LRRC4C: variants seen among roughly 807,000 people sequenced by gnomAD.
LRRC4C encodes the protein leucine rich repeat containing 4C.
A neutral mutation model predicts 33.6 loss-of-function variants in LRRC4C; 5 were observed. That is an observed-to-expected ratio of 0.15 (90% CI 0.08 to 0.31). The LOEUF is 0.31. Among genes scored for constraint, LRRC4C ranks in the 10% least tolerant of loss-of-function variants. The pLI is 1.00. For missense variants in LRRC4C, 560 were observed against 796.7 expected, an observed-to-expected ratio of 0.70 and a Z score of 3.58; for synonymous variants, 329 against 302.0, an observed-to-expected ratio of 1.09 and a Z score of -0.93.
chr11:40,223,764 A>T (rs189002495), intron 5 of LRRC4C, among the ~76,000 whole-genome samples: 7 of 152,334 alleles, frequency 4.6e-5, no homozygotes, highest in African/African-American at 1.4e-4. Context: ...TTTTATTTGC[A>T]GCGTCTTTGG....
rs555304872 is a variant in LRRC4C at position 40,992,685 on chromosome 11, A to C, written c.-495-58962T>G. 7.2e-5 allele frequency among the ~76,000 whole-genome samples: 11 copies of C among 152,306 alleles called. No homozygotes were observed. The South Asian group carries it at 2.1e-3, about 29-fold the overall frequency. On this transcript the variant is annotated intron_variant, in intron 1 of 6. Coordinates refer to ENST00000528697, the MANE Select transcript of LRRC4C (RefSeq NM_001258419.2). ...AACATGCTCTGAAGTCACAAAAAGG[A>C]AAGCTAATTCCTCTTTTTCAAGACA... is the stretch of plus-strand genomic sequence containing the variant.
intron 3 of LRRC4C, among the ~76,000 whole-genome samples, chr11:40,343,067 G>A (rs922275295): frequency 2.0e-5 from 3 of 151,744 alleles, no homozygotes; most frequent in African/African-American, 7.3e-5. Context: ...CACTTAATAG[G>A]AGCTCATAAA....
intron 1 of LRRC4C, among the ~76,000 whole-genome samples, chr11:40,959,630 G>A (rs1592192684): frequency 6.6e-6 from 1 of 151,546 alleles, no homozygotes; most frequent in Admixed American, 6.6e-5. Context: ...TTTATTAAAG[G>A]TGTTTCCAAT....
intron 3 of LRRC4C, among the ~76,000 whole-genome samples, chr11:40,393,112 T>C (rs917902312): frequency 1.3e-5 from 2 of 152,138 alleles, no homozygotes; most frequent in African/African-American, 4.8e-5. Flanking sequence ...AGAAAAATAT[T>C]GTAAAGACAA....
intron 3 of LRRC4C, among the ~76,000 whole-genome samples, chr11:40,502,293 C>A (rs377132007): frequency 2.0e-5 from 3 of 152,164 alleles, no homozygotes; most frequent in South Asian, 4.1e-4. Flanking sequence ...TTTCCCAGTT[C>A]CAAAGTTGCT....
intron 5 of LRRC4C, among the ~76,000 whole-genome samples, chr11:40,160,130 C>A (rs1220746310): frequency 6.6e-6 from 1 of 151,886 alleles, no homozygotes; most frequent in Non-Finnish European, 1.5e-5. Context: ...TTGTTCATAA[C>A]CTCTTAACAC....
At chr11:40,151,414 T>G (rs1314530927) in intron 5 of LRRC4C, among the ~76,000 whole-genome samples, 1 of 152,210 alleles carries the variant, frequency 6.6e-6, no homozygotes, top group Middle Eastern at 3.2e-3. Flanking sequence ...TAAGCCTCTA[T>G]GGAACTAGAG....
At position 41,082,427 on chromosome 11, in the gene LRRC4C, CTT is replaced by C. The variant is rs537908452; in HGVS notation, c.-495-148706_-495-148705del. 6.0e-3 allele frequency among the ~76,000 whole-genome samples: 684 copies of C among 114,904 alleles called. 3 individuals carry two copies. The highest frequency in any genetic ancestry group is 0.013 in the African/African-American group (410 of 31,320). 75.4% of individuals were successfully genotyped at this position (114,904 alleles called of 152,430 possible). A position where few individuals can be genotyped will look rare whatever the true frequency, so the allele number is the denominator to read the frequency against. Reference sequence around the variant, plus strand: ...TCTACCACCCCACTCAAATCTCACGCTTTTTTTTTTTTTTTTTTTTTCTGGAG... The same window carrying C: ...TCTACCACCCCACTCAAATCTCACGCTTTTTTTTTTTTTTTTTTTCTGGAG... On this transcript the variant is annotated intron_variant, in intron 1 of 6. Coordinates refer to ENST00000528697, the MANE Select transcript of LRRC4C (RefSeq NM_001258419.2).
chr11:41,438,073 T>TAAATAATA (rs1565673247), intron 1 of LRRC4C, among the ~76,000 whole-genome samples: 5 of 60,078 alleles, frequency 8.3e-5, no homozygotes, highest in African/African-American at 2.2e-4. Context: ...AAATAAATAA[T>TAAATAATA]AAAAAAAAAT....
At chr11:41,015,634 T>C (rs1172153437) in intron 1 of LRRC4C, among the ~76,000 whole-genome samples, 2 of 152,176 alleles carry the variant, frequency 1.3e-5, no homozygotes, top group Admixed American at 1.3e-4. Flanking sequence ...TAGGTATTTA[T>C]GTCAGTGAGG....
chr11:40,142,301 A>C (rs896685794), intron 5 of LRRC4C, among the ~76,000 whole-genome samples: 8 of 150,956 alleles, frequency 5.3e-5, no homozygotes, highest in Non-Finnish European at 1.0e-4. Flanking sequence ...AAAAAAAAAA[A>C]AAACCTCGAT....
intron 1 of LRRC4C, among the ~76,000 whole-genome samples, chr11:41,044,912 A>T (rs538903840): frequency 2.6e-4 from 39 of 152,264 alleles, no homozygotes; most frequent in Non-Finnish European, 4.1e-4. Flanking sequence ...TACCAGGGAT[A>T]AGTAGGGCAA....
chr11:40,310,210 A>C (rs1468316252), intron 4 of LRRC4C, among the ~76,000 whole-genome samples: 2 of 152,206 alleles, frequency 1.3e-5, no homozygotes, highest in Non-Finnish European at 2.9e-5. Context: ...ACATATTTTC[A>C]AAAGTACAAC....
At chr11:40,696,569 T>C (rs1275961099) in intron 2 of LRRC4C, among the ~76,000 whole-genome samples, 3 of 149,162 alleles carry the variant, frequency 2.0e-5, no homozygotes, top group Non-Finnish European at 3.0e-5. Context: ...CCCATGGCTA[T>C]ACAGAAACAT....
At chr11:40,481,510 T>G (rs1053105158) in intron 3 of LRRC4C, among the ~76,000 whole-genome samples, 2 of 152,088 alleles carry the variant, frequency 1.3e-5, no homozygotes, top group African/African-American at 4.8e-5. Context: ...GGGGCCTAAC[T>G]CTAAATTCAG....
At position 40,924,100 on chromosome 11, in the gene LRRC4C, ATGTG is replaced by A. The variant is rs755711151; in HGVS notation, c.-407+9531_-407+9534del. ...TGTGTGTATATATGTGTGTGTGTGT[ATGTG>A]TGTGTGTGTGTGTGTGTGTATATAT... On this transcript the variant is annotated intron_variant, in intron 2 of 6. Transcript: ENST00000528697. 6.6e-4 allele frequency among the ~76,000 whole-genome samples: 96 copies of A among 144,878 alleles called. 1 individual carries two copies. The highest frequency in any genetic ancestry group is 2.3e-3 in the African/African-American group (87 of 38,452).
At chr11:40,447,587 A>G (rs1041012244) in intron 3 of LRRC4C, among the ~76,000 whole-genome samples, 25 of 152,226 alleles carry the variant, frequency 1.6e-4, no homozygotes, top group Non-Finnish European at 1.5e-4. Flanking sequence ...AGAAGAAAAC[A>G]TAAAGCACAG....
At chr11:40,752,008 C>T (rs1312560383) in intron 2 of LRRC4C, among the ~76,000 whole-genome samples, 1 of 151,936 alleles carries the variant, frequency 6.6e-6, no homozygotes, top group East Asian at 1.9e-4. Flanking sequence ...AGAAAAGACA[C>T]CCTTTTCAAT....
At chr11:41,258,696 A>T (rs1242763228) in intron 1 of LRRC4C, among the ~76,000 whole-genome samples, 1 of 152,058 alleles carries the variant, frequency 6.6e-6, no homozygotes, top group Non-Finnish European at 1.5e-5. Flanking sequence ...TAATTGACAT[A>T]AAAATCAACT....
Sources: allele counts gnomAD v4.1 joint callset (sites outside exome capture counted in the v4.1 genomes callset), GRCh38; gene constraint gnomAD v4.1.1; transcripts MANE v1.5; gene names NCBI Gene and HGNC (gene_info 2026-07-23, HGNC 2026-07-21).